PLEKHM1: variants seen among roughly 807,000 people sequenced by gnomAD.
PLEKHM1 encodes pleckstrin homology domain-containing family M member 1.
In PLEKHM1, 28 loss-of-function variants were observed where a neutral mutation model predicts 94.3. That is an observed-to-expected ratio of 0.30 (90% CI 0.22 to 0.41). PLEKHM1 has a LOEUF of 0.41. Among genes scored for constraint, PLEKHM1 ranks in the 10% least tolerant of loss-of-function variants. The probability of loss-of-function intolerance (pLI) is 1.00; values close to 1 mark genes in which losing one functional copy is unlikely to be tolerated. For synonymous variants in PLEKHM1, 424 were observed against 581.2 expected (o/e 0.73, Z 3.89); for missense variants, 907 against 1,358.6 (o/e 0.67, Z 5.22).
chr17:45,437,147 G>C lies in PLEKHM1; in HGVS notation c.*711C>G, dbSNP rs1341379657. 7 of 453,656 alleles carry C rather than the reference G, an allele frequency of 1.5e-5. No individual in the cohort carries two copies. The highest frequency in any genetic ancestry group is 2.4e-5 in the Admixed American group (1 of 42,516). 28.1% of individuals were successfully genotyped at this position (453,656 alleles called of 1,614,324 possible). A position where few individuals can be genotyped will look rare whatever the true frequency, so the allele number is the denominator to read the frequency against. On this transcript the variant is annotated 3_prime_UTR_variant, in exon 12 of 12. Coordinates refer to ENST00000430334, the MANE Select transcript of PLEKHM1 (RefSeq NM_014798.3). This position sits in a 1 kb window ranked among gnomAD's most constrained non-coding sequence, Gnocchi z 4.0. ...GAGAAGAGCTAGGGGCTCTGACGCT[G>C]AGAAAGCGGTGGGCTCAGCAGGCGA... is the stretch of plus-strand genomic sequence containing the variant.
intron 1 of PLEKHM1, among the ~76,000 whole-genome samples, chr17:45,487,276 C>T (rs927745749): frequency 6.6e-6 from 1 of 152,064 alleles, no homozygotes. Context: ...ACAGCAATCC[C>T]GTGAGAGAGT....
chr17:45,468,098 G>C, intron 5 of PLEKHM1, 111 bp downstream of exon 5: 1 of 1,290,124 alleles, frequency 7.8e-7, no homozygotes, highest in Non-Finnish European at 1.1e-6. Context: ...TATGCAGGGA[G>C]AGGAAGGCTA....
At chr17:45,484,848 T>G (rs1303837146) in intron 1 of PLEKHM1, among the ~76,000 whole-genome samples, 1 of 151,300 alleles carries the variant, frequency 6.6e-6, no homozygotes, top group Non-Finnish European at 1.5e-5. Flanking sequence ...TGGAGCAGCA[T>G]GAGGTTTGGA....
intron 1 of PLEKHM1, among the ~76,000 whole-genome samples, chr17:45,486,505 T>G (rs1046543457): frequency 1.3e-5 from 2 of 149,110 alleles, no homozygotes; most frequent in Non-Finnish European, 3.0e-5. Context: ...ACCCAGGAGG[T>G]GGAGCTTGCA....
rs1236578098 is a variant in PLEKHM1 at position 45,454,083 on chromosome 17, C to T, written c.1769G>A (p.Ser590Asn). 1.9e-6 allele frequency: 3 copies of T among 1,614,232 alleles called. No homozygotes were observed. The South Asian group carries it at 3.3e-5, about 18-fold the overall frequency. ...GAAGACCAGCTCAAAGCGCCCATCA[C>T]TATGGGCTGGCCCCACAGACTCACA... ...LRCESVGPAH[S>N]DGRFELVFSG... Residue 590 changes from serine (S) to asparagine (N), a missense_variant, in exon 7 of 12, where the codon AGT becomes AAT. Coordinates refer to ENST00000430334, the MANE Select transcript of PLEKHM1 (RefSeq NM_014798.3).
In PLEKHM1 at chr17:45,436,810, C is replaced by T. The variant is rs146944003; in HGVS notation, c.*1048G>A. 6.5e-3 allele frequency: 2,953 copies of T among 454,106 alleles called. 41 individuals are homozygous for T. Among genetic ancestry groups the T allele is most frequent in the African/African-American group, 0.041 (2,044 of 50,120 alleles). 28.1% of individuals were successfully genotyped at this position (454,106 alleles called of 1,614,324 possible). ...GGCTGCATCCACAGGGCAGTTCCCC[C>T]GCACGCCCTGCACAGCTTAGGACCA... On this transcript the variant is annotated 3_prime_UTR_variant, in exon 12 of 12. Coordinates refer to ENST00000430334, the MANE Select transcript of PLEKHM1 (RefSeq NM_014798.3).
rs62064654 is a variant in PLEKHM1, at chr17:45,436,530, C to T, written c.*1328G>A. 58,464 of 452,694 alleles carry T rather than the reference C, an allele frequency of 0.13. 4,976 individuals are homozygous for T. Among genetic ancestry groups the T allele is most frequent in the Middle Eastern group, 0.2 (286 of 1,448 alleles). 28.0% of individuals were successfully genotyped at this position (452,694 alleles called of 1,614,324 possible). On this transcript the variant is annotated 3_prime_UTR_variant, in exon 12 of 12. Coordinates refer to ENST00000430334, the MANE Select transcript of PLEKHM1 (RefSeq NM_014798.3). Reference sequence around the variant, plus strand: ...ACCTGAGGCCTGACTCCAAGCTGAGCGCAGGTAAGACAGCTAGGACTGAGG... The same window carrying T: ...ACCTGAGGCCTGACTCCAAGCTGAGTGCAGGTAAGACAGCTAGGACTGAGG...
At chr17:45,469,456 A>G (rs1005610401) in intron 4 of PLEKHM1, among the ~76,000 whole-genome samples, 3 of 152,176 alleles carry the variant, frequency 2.0e-5, no homozygotes, top group Non-Finnish European at 4.4e-5. Flanking sequence ...GCTTCTTCTG[A>G]GGATCCAAGC....
chr17:45,440,658 C>A (rs546867596), intron 9 of PLEKHM1, among the ~76,000 whole-genome samples: 22 of 152,222 alleles, frequency 1.4e-4, no homozygotes, highest in Admixed American at 2.6e-4. Flanking sequence ...GGTACTATCA[C>A]AATCCCAACT....
intron 5 of PLEKHM1, among the ~76,000 whole-genome samples, chr17:45,463,106 A>T (rs148269941): frequency 0.11 from 15,189 of 144,298 alleles, 1,319 homozygotes; most frequent in Middle Eastern, 0.2. Flanking sequence ...AAAAAAAAGT[A>T]TATGGACATT....
intron 8 of PLEKHM1, 116 bp downstream of exon 8, chr17:45,450,502 C>T (rs2145203956): frequency 6.6e-7 from 1 of 1,517,886 alleles, no homozygotes; most frequent in East Asian, 2.4e-5. Flanking sequence ...AACCAGTGAC[C>T]CTGGCTTCCC....
chr17:45,435,681 G>T (rs1343326421), downstream of PLEKHM1, among the ~76,000 whole-genome samples: 2 of 152,222 alleles, frequency 1.3e-5, no homozygotes, highest in Non-Finnish European at 2.9e-5. Flanking sequence ...CCCAGGAAGA[G>T]CCTGACTGCT....
Position 45,436,055 on chromosome 17 carries a change from C to T in PLEKHM1, c.*1803G>A. 1 of 456,642 alleles carries T rather than the reference C, an allele frequency of 2.2e-6. No individual in the cohort carries two copies. Among genetic ancestry groups the T allele is most frequent in the South Asian group, 1.5e-5 (1 of 64,578 alleles). 28.3% of individuals were successfully genotyped at this position (456,642 alleles called of 1,614,324 possible). On this transcript the variant is annotated 3_prime_UTR_variant, in exon 12 of 12. Coordinates refer to ENST00000430334, the MANE Select transcript of PLEKHM1 (RefSeq NM_014798.3). ...CATTTTAAAAATAGTGTGGGCACTA[C>T]CTTTCTGAGGGAGGGGAGGCGGGAA...
chr17:45,465,982 G>A (rs1243922613), intron 5 of PLEKHM1, among the ~76,000 whole-genome samples: 3 of 152,098 alleles, frequency 2.0e-5, no homozygotes, highest in Non-Finnish European at 4.4e-5. Context: ...TCCAGCTTGA[G>A]GAAGGGGCTG....
intron 4 of PLEKHM1, among the ~76,000 whole-genome samples, chr17:45,473,824 C>T (rs1250317523): frequency 1.3e-5 from 2 of 152,050 alleles, no homozygotes; most frequent in Admixed American, 6.5e-5. Context: ...TCCCAAAGTG[C>T]TGGGATTACA....
intron 6 of PLEKHM1, among the ~76,000 whole-genome samples, chr17:45,455,671 T>C (rs916807882): frequency 5.9e-5 from 9 of 152,166 alleles, no homozygotes; most frequent in African/African-American, 2.2e-4. Context: ...GCAAATCCCA[T>C]TGGCTCTGCC....
In PLEKHM1 at chr17:45,453,260, G is replaced by A; in HGVS notation, c.2497+95C>T. ...CCCTAGGGGAAGGATGGGGGCATTTGCGGGGAGGCAGAAGGGTGGGGAGCC... is the reference window on the plus strand; with the variant it reads ...CCCTAGGGGAAGGATGGGGGCATTTACGGGGAGGCAGAAGGGTGGGGAGCC... On this transcript the variant is annotated intron_variant, in intron 7 of 11. Transcript: ENST00000430334. The surrounding 1 kb of genome is among the most constrained non-coding windows in gnomAD (Gnocchi z 4.1). 4 of 1,202,776 alleles carry A rather than the reference G, an allele frequency of 3.3e-6. No homozygotes were observed. Among genetic ancestry groups the A allele is most frequent in the Non-Finnish European group, 4.8e-6 (4 of 829,008 alleles). The allele number at this position is 1,202,776 out of a possible 1,614,324, so 74.5% of individuals were successfully genotyped here.
intron 7 of PLEKHM1, among the ~76,000 whole-genome samples, chr17:45,452,401 G>T (rs1380974372): frequency 7.2e-6 from 1 of 139,160 alleles, no homozygotes; most frequent in Non-Finnish European, 1.6e-5. Flanking sequence ...TTGAGCAACA[G>T]GGGGAGACCC....
chr17:45,439,108 C>T (rs146796871), intron 11 of PLEKHM1, among the ~76,000 whole-genome samples: 156 of 152,350 alleles, frequency 1.0e-3, no homozygotes, highest in African/African-American at 3.4e-3. Flanking sequence ...CACTTTGTGC[C>T]TGGTCTCATG....
Sources: gnomAD v4.1 joint callset for allele counts (sites outside exome capture counted in the v4.1 genomes callset) on GRCh38, gnomAD v4.1.1 for gene constraint, Gnocchi (gnomAD v3.1) non-coding constraint, MANE v1.5 for transcripts, NCBI Gene and HGNC (gene_info 2026-07-23, HGNC 2026-07-21) for gene names.